METAP1: variants seen among roughly 807,000 people sequenced by gnomAD.
METAP1 encodes methionyl aminopeptidase 1.
In METAP1, 28 loss-of-function variants were observed where a neutral mutation model predicts 53.8. That is an observed-to-expected ratio of 0.52 (90% CI 0.39 to 0.71). METAP1 has a LOEUF of 0.71. Ranked by LOEUF, METAP1 falls within the 30% of genes least tolerant of loss-of-function variation. The pLI, the probability that METAP1 is intolerant of heterozygous loss-of-function variation, is 0.00. For missense variants in METAP1, 389 were observed against 479.8 expected (o/e 0.81, Z 1.77); for synonymous variants, 181 against 165.7 (o/e 1.09, Z -0.71).
chr4:99,035,348 C>A (rs1189867756), intron 3 of METAP1, 52 bp from the exon 4 acceptor site: 24 of 1,315,836 alleles, frequency 1.8e-5, no homozygotes, highest in Non-Finnish European at 2.5e-5. Flanking sequence ...TTTCTCCCCT[C>A]GTTTTATTTA....
chr4:99,050,401 C>T lies in METAP1; in HGVS notation c.931+1525C>T, dbSNP rs190720163. Among the ~76,000 whole-genome samples, 117 of 152,282 alleles carry T rather than the reference C, an allele frequency of 7.7e-4. 1 individual carries two copies. Among genetic ancestry groups the T allele is most frequent in the Non-Finnish European group, 1.4e-3 (93 of 68,016 alleles). ...CTAAGATGGATTGCAGGTGGGAGTT[C>T]TGAAGATAGTTGGCCTGATGGACAG... is the stretch of plus-strand genomic sequence containing the variant. On this transcript the variant is annotated intron_variant, in intron 9 of 10. Transcript: ENST00000296411.
At chr4:99,040,340 T>C (rs1358925030) in intron 5 of METAP1, among the ~76,000 whole-genome samples, 2 of 152,196 alleles carry the variant, frequency 1.3e-5, no homozygotes, top group African/African-American at 2.4e-5. Context: ...TACATTGATA[T>C]TATTCATTTA....
chr4:99,045,368 A>G lies in METAP1; in HGVS notation c.787+58A>G, dbSNP rs115843157. On this transcript the variant is annotated intron_variant, in intron 8 of 10. Transcript: ENST00000296411. Reference sequence around the variant, plus strand: ...CCTGTGTGTTGATGGGCCAAGAATGACTGGGCGCTGCAGTTCTGTGCATTC... The same window carrying G: ...CCTGTGTGTTGATGGGCCAAGAATGGCTGGGCGCTGCAGTTCTGTGCATTC... 1.5e-3 allele frequency: 2,312 copies of G among 1,591,596 alleles called. 31 individuals carry two copies. The African/African-American group carries it at 0.026, about 18-fold the overall frequency.
At chr4:99,033,543 AT>A (rs1262551754) in intron 2 of METAP1, among the ~76,000 whole-genome samples, 1 of 152,200 alleles carries the variant, frequency 6.6e-6, no homozygotes, top group Non-Finnish European at 1.5e-5. Context: ...GTCAGCACAC[AT>A]AGATTAATAA....
chr4:99,010,236 T>G (rs1289222576), intron 1 of METAP1, among the ~76,000 whole-genome samples: 1 of 152,164 alleles, frequency 6.6e-6, no homozygotes, highest in East Asian at 1.9e-4. Flanking sequence ...GGAGGATTGC[T>G]TGAGCCCAGG....
intron 1 of METAP1, chr4:99,023,125 C>T: frequency 1.1e-6 from 1 of 933,418 alleles, no homozygotes; most frequent in Admixed American, 2.5e-5. Context: ...GATTCCTCTG[C>T]CTCCGTGTTG....
intron 2 of METAP1, chr4:99,031,463 C>T (rs1342997091): frequency 3.9e-6 from 5 of 1,283,402 alleles, no homozygotes; most frequent in Non-Finnish European, 5.1e-6. Flanking sequence ...TTTCCTTCCA[C>T]TCCCCTACCC....
At chr4:99,002,560 T>C (rs945720586) in intron 1 of METAP1, among the ~76,000 whole-genome samples, 4 of 152,188 alleles carry the variant, frequency 2.6e-5, no homozygotes, top group Non-Finnish European at 5.9e-5. Flanking sequence ...CAAAACACTC[T>C]GTAAACGAGG....
intron 1 of METAP1, chr4:99,025,203 A>G (rs1423636357): frequency 4.3e-6 from 1 of 235,066 alleles, no homozygotes; most frequent in Non-Finnish European, 6.9e-6. Flanking sequence ...TAAACTATAA[A>G]CTAAGTTTTT....
At chr4:99,043,011 C>A (rs891805902) in intron 6 of METAP1, among the ~76,000 whole-genome samples, 8 of 152,180 alleles carry the variant, frequency 5.3e-5, no homozygotes, top group Non-Finnish European at 1.2e-4. Context: ...ACCTGTATGT[C>A]ATTTTACTTT....
intron 1 of METAP1, among the ~76,000 whole-genome samples, chr4:99,006,054 AT>A (rs1359899825): frequency 2.6e-5 from 4 of 152,180 alleles, no homozygotes; most frequent in Non-Finnish European, 4.4e-5. Flanking sequence ...TAGAGAGTTT[AT>A]GTTGTTTCAT....
At chr4:99,059,879 T>C (rs151338380) in intron 10 of METAP1, among the ~76,000 whole-genome samples, 3,298 of 152,264 alleles carry the variant, frequency 0.022, 45 homozygotes, top group Non-Finnish European at 0.034. Context: ...CTTTTGCCCC[T>C]CTTTCTGATT....
At chr4:99,047,376 G>A (rs1204419243) in intron 8 of METAP1, among the ~76,000 whole-genome samples, 2 of 152,116 alleles carry the variant, frequency 1.3e-5, no homozygotes, top group Non-Finnish European at 1.5e-5. Context: ...GGCCGCAGTT[G>A]GAGCAGTTTG....
intron 8 of METAP1, among the ~76,000 whole-genome samples, chr4:99,046,936 C>CAAACAAAAAAAAA (rs1726292987): frequency 1.2e-5 from 1 of 82,208 alleles, no homozygotes; most frequent in Non-Finnish European, 2.6e-5. Context: ...ACTGAAGAAA[C>CAAACAAAAAAAAA]AAAAAAAAAA....
chr4:99,057,253 A>G (rs1051902620), intron 9 of METAP1, among the ~76,000 whole-genome samples: 2 of 152,248 alleles, frequency 1.3e-5, no homozygotes, highest in African/African-American at 4.8e-5. Flanking sequence ...AAACATTATG[A>G]AAATCATGTA....
intron 1 of METAP1, among the ~76,000 whole-genome samples, chr4:99,014,131 C>G (rs1223915008): frequency 1.3e-5 from 2 of 152,210 alleles, no homozygotes; most frequent in African/African-American, 2.4e-5. Context: ...GTATACCTAA[C>G]ACAGTTATAG....
intron 10 of METAP1, among the ~76,000 whole-genome samples, chr4:99,059,928 G>C (rs773833081): frequency 2.4e-4 from 37 of 152,024 alleles, no homozygotes; most frequent in Admixed American, 1.3e-4. Context: ...TGTATAATCT[G>C]TTCTCACCAT....
chr4:99,030,126 T>C (rs1724893564), intron 2 of METAP1, among the ~76,000 whole-genome samples: 2 of 152,192 alleles, frequency 1.3e-5, no homozygotes, highest in South Asian at 4.1e-4. Context: ...TTTGAGCCAG[T>C]TACTAGCATT....
chr4:99,030,767 A>G (rs1314640966), intron 2 of METAP1, among the ~76,000 whole-genome samples: 1 of 143,770 alleles, frequency 7.0e-6, no homozygotes, highest in Non-Finnish European at 1.6e-5. Flanking sequence ...TGTCATGGAG[A>G]CGATATAGTT....
Sources: allele counts gnomAD v4.1 joint callset (sites outside exome capture counted in the v4.1 genomes callset), GRCh38; gene constraint gnomAD v4.1.1; transcripts MANE v1.5; gene names NCBI Gene and HGNC (gene_info 2026-07-23, HGNC 2026-07-21).